CLDN2: variants seen among roughly 807,000 people sequenced by gnomAD.
The protein encoded by CLDN2 is claudin-2.
CLDN2 carries 1 observed loss-of-function variant against 8.2 expected under a neutral mutation model. That is an observed-to-expected ratio of 0.12 (90% CI 0.04 to 0.58). The LOEUF (loss-of-function observed/expected upper bound fraction) is 0.58, where lower values mean the gene tolerates loss of function less well. CLDN2 is among the 20% of genes least tolerant of loss of function. CLDN2 has a pLI of 0.90. For missense variants in CLDN2, 108 were observed against 172.9 expected, an observed-to-expected ratio of 0.62 and a Z score of 2.11; for synonymous variants, 70 against 70.2, an observed-to-expected ratio of 1.00 and a Z score of 0.01.
upstream of CLDN2, among the ~76,000 whole-genome samples, chrX:106,913,887 C>T (rs1933278003): frequency 9.2e-6 from 1 of 109,219 alleles, no homozygotes; most frequent in African/African-American, 3.3e-5. Flanking sequence ...TGGAAACCAT[C>T]AACGGCATAG....
intron 1 of CLDN2, among the ~76,000 whole-genome samples, chrX:106,927,540 G>T (rs1413891647): frequency 9.0e-6 from 1 of 111,573 alleles, no homozygotes; most frequent in African/African-American, 3.3e-5. Context: ...AGGCTTTGCT[G>T]CCCACCCCCA....
At chrX:106,922,288 A>G (rs1933404377) in intron 1 of CLDN2, among the ~76,000 whole-genome samples, 1 of 112,684 alleles carries the variant, frequency 8.9e-6, no homozygotes, top group African/African-American at 3.2e-5. Flanking sequence ...AATAAGCTCC[A>G]ATAACTTGTT....
upstream of CLDN2, chrX:106,918,425 T>C (rs967941023): frequency 9.8e-5 from 11 of 112,150 alleles, no homozygotes; most frequent in Non-Finnish European, 7.5e-5. Flanking sequence ...AGACCCTTGC[T>C]CAGGAGCACT....
At chrX:106,901,389 C>T (rs1304630860) in intron 1 of CLDN2, 2 of 918,630 alleles carry the variant, frequency 2.2e-6, no homozygotes, top group South Asian at 2.1e-5. Context: ...CAATTCCTCC[C>T]CTCTCCTGCT....
chrX:106,929,504 A>G lies in CLDN2; in HGVS notation c.*583A>G, dbSNP rs1163020561. On this transcript the variant is annotated 3_prime_UTR_variant, in exon 2 of 2. Transcript: ENST00000336803. The stretch of plus-strand genomic sequence containing the variant: ...TTTGTGCATGAACTGAAATAAAACC[A>G]TCCTACGGTATCCAGGGAACAGAAA... The G allele has an allele frequency of 8.1e-6, 1 of 123,115 alleles. No individual in the cohort carries two copies. Among genetic ancestry groups the G allele is most frequent in the African/African-American group, 3.3e-5 (1 of 30,546 alleles). 10.1% of individuals were successfully genotyped at this position (123,115 alleles called of 1,213,427 possible).
rs181890365 is a variant in CLDN2 at position 106,909,925 on chromosome X, G to A, written c.-179+9421G>A. Among the ~76,000 whole-genome samples, 23 of 111,323 alleles carry A rather than the reference G, an allele frequency of 2.1e-4. No individual in the cohort carries two copies. The East Asian group carries it at 4.9e-3, about 23-fold the overall frequency. ...TCCCCATTTGCTCCTCATTTGGACT[G>A]CAGAAGCCTAGAAAAACAAAGCTCT... On this transcript the variant is annotated intron_variant, in intron 1 of 1. Transcript: ENST00000541806.
rs1248341071 is a variant in CLDN2 at position 106,907,747 on chromosome X, TAAA to T, written c.-179+7244_-179+7246del. On this transcript the variant is annotated intron_variant, in intron 1 of 1. Coordinates refer to the CLDN2 transcript ENST00000541806. ...ATAATAATAATAATAATAATAATAA[TAAA>T]GGACTCTCCTTCGTTCTGAGATTAT... 5.4e-4 allele frequency among the ~76,000 whole-genome samples: 54 copies of T among 100,715 alleles called. 1 individual carries two copies. The East Asian group carries it at 0.016, about 29-fold the overall frequency. The allele number at this position is 100,715 out of a possible 115,157, so 87.5% of individuals were successfully genotyped here.
At chrX:106,909,301 C>T (rs778610080) in intron 1 of CLDN2, among the ~76,000 whole-genome samples, 1 of 111,683 alleles carries the variant, frequency 9.0e-6, no homozygotes, top group African/African-American at 3.3e-5. Context: ...CTAAAAGTGA[C>T]AAGATTGGGA....
upstream of CLDN2, among the ~76,000 whole-genome samples, chrX:106,914,334 G>C (rs188889581): frequency 9.9e-5 from 11 of 111,067 alleles, no homozygotes; most frequent in East Asian, 2.5e-3. Flanking sequence ...ACACAAACAT[G>C]GGAGTGATAT....
chrX:106,916,158 G>C (rs547976829), upstream of CLDN2, among the ~76,000 whole-genome samples: 4 of 110,935 alleles, frequency 3.6e-5, no homozygotes, highest in Non-Finnish European at 7.5e-5. Flanking sequence ...ACAATTGGTG[G>C]GGGGATAACA....
intron 1 of CLDN2, among the ~76,000 whole-genome samples, chrX:106,922,612 T>C (rs747744012): frequency 2.7e-5 from 3 of 111,646 alleles, no homozygotes; most frequent in Non-Finnish European, 5.7e-5. Context: ...CAGATACAAA[T>C]AGGAGGAAGA....
intron 1 of CLDN2, among the ~76,000 whole-genome samples, chrX:106,923,862 G>A (rs781613375): frequency 9.0e-6 from 1 of 111,519 alleles, no homozygotes; most frequent in Non-Finnish European, 1.9e-5. Context: ...GAATGTGAAG[G>A]ATAAGAAGAG....
Position 106,902,024 on chromosome X carries a change from A to T in CLDN2, c.-179+1520A>T, listed in dbSNP as rs376120891. On this transcript the variant is annotated intron_variant, in intron 1 of 1. Transcript: ENST00000541806. ...ATCAAATGTTGGCAAAACTGTGAGGATGCTATCTCAGATCTGCACCTTTGG... is the reference window on the plus strand; with the variant it reads ...ATCAAATGTTGGCAAAACTGTGAGGTTGCTATCTCAGATCTGCACCTTTGG... The T allele has an allele frequency of 5.7e-5, 31 of 541,488 alleles. No individual in the cohort carries two copies. The East Asian group carries it at 5.9e-4, about 10-fold the overall frequency. The allele number at this position is 541,488 out of a possible 1,213,427, so 44.6% of individuals were successfully genotyped here. A position where few individuals can be genotyped will look rare whatever the true frequency, so the allele number is the denominator to read the frequency against.
intron 1 of CLDN2, among the ~76,000 whole-genome samples, chrX:106,911,317 C>G (rs1431185382): frequency 8.9e-6 from 1 of 112,117 alleles, no homozygotes; most frequent in Non-Finnish European, 1.9e-5. Context: ...CAGAACATAG[C>G]TTCCATCCTG....
chrX:106,928,900 C>T lies in CLDN2; in HGVS notation c.672C>T (p.Tyr224=), dbSNP rs754385986. ...PPKVKSEFNS[Y]SLTGYV is the part of the protein sequence containing the mutation. Reference sequence around the variant, plus strand: ...AAGTCAAGAGTGAGTTCAATTCCTACAGCCTGACAGGGTATGTGTGAAGAA... The same window carrying T: ...AAGTCAAGAGTGAGTTCAATTCCTATAGCCTGACAGGGTATGTGTGAAGAA... Residue 224 remains tyrosine, a synonymous_variant, in exon 2 of 2, where the codon TAC becomes TAT. Transcript: ENST00000336803. 5.0e-6 allele frequency: 6 copies of T among 1,208,017 alleles called. No homozygotes were observed. The highest frequency in any genetic ancestry group is 2.2e-5 in the Admixed American group (1 of 45,642).
intron 1 of CLDN2, among the ~76,000 whole-genome samples, chrX:106,904,118 ACCAGCC>A (rs1366615065): frequency 8.9e-6 from 1 of 112,407 alleles, no homozygotes; most frequent in Non-Finnish European, 1.9e-5. Context: ...CTGCCGAAGG[ACCAGCC>A]CCAGCCCCAG....
At chrX:106,909,997 A>G (rs771908111) in intron 1 of CLDN2, among the ~76,000 whole-genome samples, 1 of 111,497 alleles carries the variant, frequency 9.0e-6, no homozygotes, top group Admixed American at 9.5e-5. Context: ...CGTCACTCCC[A>G]GCTGGGCTCC....
At chrX:106,902,976 G>T (rs888930293) in intron 1 of CLDN2, among the ~76,000 whole-genome samples, 5 of 112,610 alleles carry the variant, frequency 4.4e-5, no homozygotes, top group Non-Finnish European at 7.5e-5. Context: ...TGAAAAGTCA[G>T]ATGAGATATT....
chrX:106,902,031 C>T (rs1933107172), intron 1 of CLDN2: 1 of 590,640 alleles, frequency 1.7e-6, no homozygotes, highest in Non-Finnish European at 2.7e-6. Context: ...AGGATGCTAT[C>T]TCAGATCTGC....
Sources: allele counts gnomAD v4.1 joint callset (sites outside exome capture counted in the v4.1 genomes callset), GRCh38; gene constraint gnomAD v4.1.1; transcripts MANE v1.5; gene names NCBI Gene and HGNC (gene_info 2026-07-23, HGNC 2026-07-21).